The following CNTN4 variants were observed in gnomAD, a reference collection of about 807,000 sequenced individuals.
CNTN4 encodes the protein contactin 4, also known as contactin-4.
Under a neutral mutation model 122.5 loss-of-function variants are expected in CNTN4, and 77 were observed. The ratio of observed to expected loss-of-function variants is 0.63; its 90% CI spans 0.52 to 0.76. The LOEUF (loss-of-function observed/expected upper bound fraction) is 0.76. CNTN4 is among the 30% of genes least tolerant of loss of function. CNTN4 has a pLI of 0.00. For synonymous variants in CNTN4, 512 were observed against 447.0 expected, an observed-to-expected ratio of 1.15 and a Z score of -1.83; for missense variants, 1,256 against 1,259.1, an observed-to-expected ratio of 1.00 and a Z score of 0.04.
chr3:2,985,134 T>C (rs912859745), intron 13 of CNTN4: 2 of 152,230 alleles, frequency 1.3e-5, no homozygotes, highest in African/African-American at 4.8e-5. Context: ...CGCTAAATTA[T>C]TTTTTTAATT....
Position 2,900,699 on chromosome 3 carries a change from A to T in CNTN4, c.955A>T (p.Ile319Phe), listed in dbSNP as rs371817793. 2 of 1,613,810 alleles carry T rather than the reference A, an allele frequency of 1.2e-6. No individual in the cohort carries two copies. Among genetic ancestry groups the T allele is most frequent in the Non-Finnish European group, 1.7e-6 (2 of 1,179,720 alleles). Residue 319 changes from isoleucine (I) to phenylalanine (F), a missense_variant, in exon 11 of 25, where the codon ATT (isoleucine) becomes TTT (phenylalanine). Ile to Phe is a conservative substitution (Grantham distance 21). Transcript: ENST00000418658. ...QLTFYAQPNW[I>F]QKINDIHVAM... ...GATGCCTATAGCTCAACCTAATTGG[A>T]TTCAAAAAATAAATGATATTCACGT...
intron 2 of CNTN4, among the ~76,000 whole-genome samples, chr3:2,120,961 T>A (rs2033736463): frequency 6.6e-6 from 1 of 152,136 alleles, no homozygotes; most frequent in Admixed American, 6.6e-5. Context: ...ATGAGAAAAC[T>A]GAGAATCAGA....
chr3:2,855,011 A>AT (rs1434589513), intron 7 of CNTN4, among the ~76,000 whole-genome samples: 1 of 152,224 alleles, frequency 6.6e-6, no homozygotes, highest in African/African-American at 2.4e-5. Flanking sequence ...TACGAAATAT[A>AT]TTTAAGTGCT....
At chr3:2,426,340 C>T (rs938955568) in intron 3 of CNTN4, among the ~76,000 whole-genome samples, 1 of 151,962 alleles carries the variant, frequency 6.6e-6, no homozygotes, top group African/African-American at 2.4e-5. Flanking sequence ...TGGTTTTTGT[C>T]CTTGTTTCTT....
chr3:2,352,788 G>A (rs570889738), intron 3 of CNTN4, among the ~76,000 whole-genome samples: 8 of 152,362 alleles, frequency 5.3e-5, no homozygotes, highest in Non-Finnish European at 8.8e-5. Context: ...GTGCGGGACT[G>A]GTGGGCAGCA....
At chr3:2,598,086 C>T (rs1203648984) in intron 4 of CNTN4, among the ~76,000 whole-genome samples, 2 of 152,132 alleles carry the variant, frequency 1.3e-5, no homozygotes, top group African/African-American at 2.4e-5. Context: ...TTTGAGGTTG[C>T]AGCACACTGT....
chr3:3,034,547 G>A (rs1699432467), intron 16 of CNTN4, 85 bp from the exon 17 acceptor site: 10 of 1,354,470 alleles, frequency 7.4e-6, no homozygotes, highest in Non-Finnish European at 7.4e-6. Flanking sequence ...AAATGAATGG[G>A]TCAATGCCCC....
intron 2 of CNTN4, among the ~76,000 whole-genome samples, chr3:2,137,405 A>G (rs1222236084): frequency 6.6e-6 from 1 of 151,800 alleles, no homozygotes; most frequent in Non-Finnish European, 1.5e-5. Context: ...GACAGAAACC[A>G]CTTATTCTGT....
rs528236055 is a variant in CNTN4, at chr3:2,564,433, C to G, written c.-88-6983C>G. On this transcript the variant is annotated intron_variant, in intron 3 of 24. Transcript: ENST00000418658. ...TAATGGATGGGAAGATGATATAATC[C>G]GAAAAATTGTTACAAGCCTCAAATG... 1.8e-4 allele frequency among the ~76,000 whole-genome samples: 28 copies of G among 151,810 alleles called. 1 individual carries two copies. Among genetic ancestry groups the G allele is most frequent in the Non-Finnish European group, 2.9e-5 (2 of 67,944 alleles).
intron 2 of CNTN4, among the ~76,000 whole-genome samples, chr3:2,220,087 C>G (rs1265328483): frequency 1.3e-5 from 2 of 152,130 alleles, no homozygotes; most frequent in African/African-American, 4.8e-5. Context: ...AGTGTTTTCT[C>G]CTTCTGGTAT....
chr3:2,242,866 C>T (rs2039998125), intron 2 of CNTN4, among the ~76,000 whole-genome samples: 1 of 152,126 alleles, frequency 6.6e-6, no homozygotes, highest in Admixed American at 6.6e-5. Context: ...CATAAAAACA[C>T]TAATCACGTA....
At chr3:2,801,484 G>T (rs770643014) in intron 6 of CNTN4, among the ~76,000 whole-genome samples, 7 of 152,164 alleles carry the variant, frequency 4.6e-5, no homozygotes, top group Admixed American at 6.5e-5. Context: ...ACACATCACT[G>T]TAGGCACAGT....
At chr3:2,545,328 GT>G (rs1164286386) in intron 3 of CNTN4, among the ~76,000 whole-genome samples, 4 of 151,992 alleles carry the variant, frequency 2.6e-5, no homozygotes, top group Non-Finnish European at 2.9e-5. Context: ...ATGGGAATAT[GT>G]ACTCTGTTGT....
chr3:3,016,941 T>C (rs1697814621), intron 14 of CNTN4, among the ~76,000 whole-genome samples: 1 of 152,208 alleles, frequency 6.6e-6, no homozygotes, highest in African/African-American at 2.4e-5. Context: ...AAAATTTGCC[T>C]TGTGTTTTCT....
intron 23 of CNTN4, among the ~76,000 whole-genome samples, chr3:3,049,658 C>T (rs571796157): frequency 7.2e-5 from 11 of 152,218 alleles, no homozygotes; most frequent in African/African-American, 1.4e-4. Context: ...ATGGAGTGGA[C>T]AGGAGAGATG....
chr3:2,652,703 A>G (rs2083417173), intron 4 of CNTN4, among the ~76,000 whole-genome samples: 1 of 152,168 alleles, frequency 6.6e-6, no homozygotes, highest in African/African-American at 2.4e-5. Flanking sequence ...TACAGGTCTC[A>G]GTGGAATCCT....
intron 13 of CNTN4, among the ~76,000 whole-genome samples, chr3:2,965,284 AATTGT>A (rs1296288017): frequency 6.6e-6 from 1 of 151,890 alleles, no homozygotes; most frequent in African/African-American, 2.4e-5. Flanking sequence ...GTTCCTCCTA[AATTGT>A]ATTGTTTTGT....
intron 6 of CNTN4, among the ~76,000 whole-genome samples, chr3:2,773,248 T>C (rs2091181081): frequency 6.6e-6 from 1 of 152,086 alleles, no homozygotes; most frequent in Non-Finnish European, 1.5e-5. Context: ...AAGTGTTGCT[T>C]TATATATTTT....
chr3:2,652,097 G>T (rs1459421429), intron 4 of CNTN4, among the ~76,000 whole-genome samples: 1 of 151,786 alleles, frequency 6.6e-6, no homozygotes, highest in Non-Finnish European at 1.5e-5. Context: ...GATTGCTTGA[G>T]CTCCTACCAA....
Sources: allele counts gnomAD v4.1 joint callset (sites outside exome capture counted in the v4.1 genomes callset), GRCh38; gene constraint gnomAD v4.1.1; transcripts MANE v1.5; gene names NCBI Gene and HGNC (gene_info 2026-07-23, HGNC 2026-07-21).